BTG2: variants seen among roughly 807,000 people sequenced by gnomAD.
BTG2 encodes protein BTG2.
In BTG2, 9 loss-of-function variants were observed where a neutral mutation model predicts 13.1. The observed-to-expected ratio is 0.69, with a 90% CI of 0.41 to 1.20. The LOEUF (loss-of-function observed/expected upper bound fraction) is 1.20. BTG2 is among the 50% of genes most tolerant of loss of function. The probability of loss-of-function intolerance (pLI) is 0.00; values close to 1 mark genes in which losing one functional copy is unlikely to be tolerated. For synonymous variants in BTG2, 92 were observed against 88.6 expected, an observed-to-expected ratio of 1.04 and a Z score of -0.21; for missense variants, 200 against 209.5, an observed-to-expected ratio of 0.95 and a Z score of 0.28.
At chr1:203,306,096 A>G (rs567646881) in intron 1 of BTG2, among the ~76,000 whole-genome samples, 107 of 151,444 alleles carry the variant, frequency 7.1e-4, no homozygotes, top group Non-Finnish European at 7.4e-4. Flanking sequence ...CCCTCGATGG[A>G]TGTTGTTGCG....
rs1175971162 is a variant in BTG2 at position 203,307,588 on chromosome 1, GTT to G, written c.*157_*158del. 2 of 650,120 alleles carry G rather than the reference GTT, an allele frequency of 3.1e-6. No homozygotes were observed. Among genetic ancestry groups the G allele is most frequent in the Non-Finnish European group, 4.5e-6 (2 of 448,334 alleles). 40.3% of individuals were successfully genotyped at this position (650,120 alleles called of 1,614,324 possible). A position where few individuals can be genotyped will look rare whatever the true frequency, so the allele number is the denominator to read the frequency against. On this transcript the variant is annotated 3_prime_UTR_variant, in exon 2 of 2. Coordinates refer to ENST00000290551, the MANE Select transcript of BTG2 (RefSeq NM_006763.3). ...AAGAAAGGAGGAAAAGAAACCAAAA[GTT>G]TTTTTTAAGAAAAAAAATCCTTCAA...
chr1:203,305,742 C>T lies in BTG2; in HGVS notation c.136C>T (p.Leu46Phe), dbSNP rs1658242647. The T allele has an allele frequency of 6.5e-7, 1 of 1,547,640 alleles. No homozygotes were observed. Among genetic ancestry groups the T allele is most frequent in the Admixed American group, 2.0e-5 (1 of 50,646 alleles). Residue 46 changes from leucine (L) to phenylalanine (F), a missense_variant, in exon 1 of 2, where the codon CTC becomes TTC. Coordinates refer to ENST00000290551, the MANE Select transcript of BTG2 (RefSeq NM_006763.3). ...KVFSGALQEA[L>F]TEHYKHHWFP... Reference sequence around the variant, plus strand: ...CTTCAGCGGGGCGCTCCAGGAGGCACTCACAGGTGAGCGCATGCCGAGGGG... The same window carrying T: ...CTTCAGCGGGGCGCTCCAGGAGGCATTCACAGGTGAGCGCATGCCGAGGGG...
rs2102285829 is a variant in BTG2 at position 203,307,405 on chromosome 1, C to T, written c.444C>T (p.Pro148=). 1 of 1,600,392 alleles carries T rather than the reference C, an allele frequency of 6.2e-7. No individual in the cohort carries two copies. The highest frequency in any genetic ancestry group is 1.3e-5 in the African/African-American group (1 of 74,778). The change falls in exon 2 of 2, where the codon CCC becomes CCT. Residue 148 remains proline, a synonymous_variant. Transcript: ENST00000290551. ...AAGTGCTGCTGGGCCGGAGCAGCCCCTCCAAGAACTACGTGATGGCAGTCT... is the reference window on the plus strand; with the variant it reads ...AAGTGCTGCTGGGCCGGAGCAGCCCTTCCAAGAACTACGTGATGGCAGTCT... ...KNQVLLGRSS[P]SKNYVMAVSS
In BTG2 at chr1:203,307,573, G is replaced by A. The variant is rs1413585176; in HGVS notation, c.*135G>A. 2.7e-6 allele frequency: 2 copies of A among 746,920 alleles called. No homozygotes were observed. The highest frequency in any genetic ancestry group is 3.7e-6 in the Non-Finnish European group (2 of 535,828). The allele number at this position is 746,920 out of a possible 1,614,324, so 46.3% of individuals were successfully genotyped here. A position where few individuals can be genotyped will look rare whatever the true frequency, so the allele number is the denominator to read the frequency against. On this transcript the variant is annotated 3_prime_UTR_variant, in exon 2 of 2. Transcript: ENST00000290551. The stretch of plus-strand genomic sequence containing the variant: ...ATATTATTTTTTTTTAAGAAAGGAG[G>A]AAAAGAAACCAAAAGTTTTTTTTAA...
At chr1:203,306,329 T>A (rs757461979) in intron 1 of BTG2, among the ~76,000 whole-genome samples, 1 of 151,982 alleles carries the variant, frequency 6.6e-6, no homozygotes, top group African/African-American at 2.4e-5. Flanking sequence ...GAGGAGAGCC[T>A]CGTAGCTCGT....
Position 203,308,640 on chromosome 1 carries a change from G to C in BTG2, c.*1202G>C, listed in dbSNP as rs1314552842. The C allele has an allele frequency of 1.3e-5, 2 of 152,590 alleles. No individual in the cohort carries two copies. The highest frequency in any genetic ancestry group is 3.9e-4 in the East Asian group (2 of 5,184). The allele number at this position is 152,590 out of a possible 1,614,324, so 9.5% of individuals were successfully genotyped here. ...CTAGTCAGCCTTGCATGTATTCCTT[G>C]GCTGAATGGGAGAGTGCCCCATGTT... On this transcript the variant is annotated 3_prime_UTR_variant, in exon 2 of 2. Coordinates refer to ENST00000290551, the MANE Select transcript of BTG2 (RefSeq NM_006763.3).
chr1:203,305,927 C>T (rs901151701), intron 1 of BTG2, among the ~76,000 whole-genome samples, 179 bp downstream of exon 1: 4 of 152,324 alleles, frequency 2.6e-5, no homozygotes, highest in East Asian at 1.9e-4. Flanking sequence ...CTCCCCAGCC[C>T]TGTGCTCGGG....
chr1:203,306,462 C>T (rs1658276310), intron 1 of BTG2, among the ~76,000 whole-genome samples: 1 of 152,194 alleles, frequency 6.6e-6, no homozygotes, highest in African/African-American at 2.4e-5. Context: ...GAAGCGATAG[C>T]CATCTCGGAA....
Position 203,308,757 on chromosome 1 carries a change from G to A in BTG2, c.*1319G>A, listed in dbSNP as rs1212670162. 1 of 152,686 alleles carries A rather than the reference G, an allele frequency of 6.5e-6. No homozygotes were observed. The highest frequency in any genetic ancestry group is 1.5e-5 in the Non-Finnish European group (1 of 68,056). 9.5% of individuals were successfully genotyped at this position (152,686 alleles called of 1,614,324 possible). On this transcript the variant is annotated 3_prime_UTR_variant, in exon 2 of 2. Transcript: ENST00000290551. ...TTTCTCCCTGGTGCTCAGAGCACCT[G>A]TGGGAAAGGTTGCTGTCTGTCTCAG...
chr1:203,305,779 CG>C, intron 1 of BTG2, 31 bp downstream of exon 1: 1 of 1,534,458 alleles, frequency 6.5e-7, no homozygotes, highest in Non-Finnish European at 8.8e-7. Context: ...CTGGCGCCAC[CG>C]GGGGTCGGCC....
intron 1 of BTG2, among the ~76,000 whole-genome samples, chr1:203,306,848 T>TCACACACACA (rs56272333): frequency 3.8e-5 from 5 of 131,394 alleles, no homozygotes; most frequent in African/African-American, 1.7e-4. Context: ...ACACACTCAG[T>TCACACACACA]CACACACACA....
At chr1:203,305,957 G>C (rs569262792) in intron 1 of BTG2, among the ~76,000 whole-genome samples, 3 of 152,222 alleles carry the variant, frequency 2.0e-5, no homozygotes, top group Admixed American at 6.5e-5. Flanking sequence ...TGGCGGTTCT[G>C]ATGGGGCGCG....
chr1:203,306,308 A>G (rs925143438), intron 1 of BTG2, among the ~76,000 whole-genome samples: 1 of 151,960 alleles, frequency 6.6e-6, no homozygotes, highest in African/African-American at 2.4e-5. Flanking sequence ...TCTGCCACCT[A>G]TTGTGGTAGG....
At position 203,307,481 on chromosome 1, in the gene BTG2, C is replaced by G. The variant is rs767547740; in HGVS notation, c.*43C>G. The G allele has an allele frequency of 1.7e-4, 256 of 1,507,624 alleles. No homozygotes were observed. Among genetic ancestry groups the G allele is most frequent in the Non-Finnish European group, 2.1e-4 (234 of 1,117,988 alleles). The allele number at this position is 1,507,624 out of a possible 1,614,324, so 93.4% of individuals were successfully genotyped here. On this transcript the variant is annotated 3_prime_UTR_variant, in exon 2 of 2. Coordinates refer to ENST00000290551, the MANE Select transcript of BTG2 (RefSeq NM_006763.3). ...CTGGGCGCCGCCGTGCTCATGCTGC[C>G]GTGACAACAGGCCACCACATACCTC...
At chr1:203,305,850 C>G (rs1658247244) in intron 1 of BTG2, 102 bp downstream of exon 1, 6 of 1,448,038 alleles carry the variant, frequency 4.1e-6, no homozygotes, top group Admixed American at 5.5e-5. Flanking sequence ...ACGGGAGCAG[C>G]TTTGGGACTC....
In BTG2 at chr1:203,307,226, C is replaced by A; in HGVS notation, c.265C>A (p.Gln89Lys). ...GGTGGCCAGCCAGATCGGACTCAGC[C>A]AGCCCCAGCTGCACCAGCTGCTGCC... ...SRVASQIGLS[Q>K]PQLHQLLPSE... The change falls in exon 2 of 2, where the codon CAG becomes AAG. Residue 89 changes from glutamine (Q) to lysine (K), a missense_variant. Transcript: ENST00000290551. The A allele has an allele frequency of 6.2e-7, 1 of 1,614,228 alleles. No individual in the cohort carries two copies. The highest frequency in any genetic ancestry group is 8.5e-7 in the Non-Finnish European group (1 of 1,180,034).
At chr1:203,306,798 A>ACC (rs375949182) in intron 1 of BTG2, among the ~76,000 whole-genome samples, 10,267 of 107,678 alleles carry the variant, frequency 0.095, 372 homozygotes, top group East Asian at 0.19. Flanking sequence ...CCCTCCCAAC[A>ACC]CGCACACACA....
chr1:203,307,054 T>C (rs530171348), intron 1 of BTG2, 50 bp from the exon 2 acceptor site: 1 of 1,533,706 alleles, frequency 6.5e-7, no homozygotes, highest in Admixed American at 1.7e-5. Context: ...GTAGTATCCA[T>C]GGCCTAGCTG....
rs567194370 is a variant in BTG2 at position 203,305,946 on chromosome 1, G to A, written c.142+198G>A. ...CCAGCCCTGTGCTCGGGTCTCGGCC[G>A]TGGCGGTTCTGATGGGGCGCGCCCC... is the stretch of plus-strand genomic sequence containing the variant. On this transcript the variant is annotated intron_variant, in intron 1 of 1. Coordinates refer to ENST00000290551, the MANE Select transcript of BTG2 (RefSeq NM_006763.3). Among the ~76,000 whole-genome samples, 3 of 152,238 alleles carry A rather than the reference G, an allele frequency of 2.0e-5. No homozygotes were observed. The South Asian group carries it at 6.2e-4, about 32-fold the overall frequency.
Sources: gnomAD v4.1 joint callset for allele counts (sites outside exome capture counted in the v4.1 genomes callset) on GRCh38, gnomAD v4.1.1 for gene constraint, MANE v1.5 for transcripts, NCBI Gene and HGNC (gene_info 2026-07-23, HGNC 2026-07-21) for gene names.